LAMA2: variants seen among roughly 807,000 people sequenced by gnomAD.
LAMA2 encodes the protein laminin subunit alpha-2.
Under a neutral mutation model 364.8 loss-of-function variants are expected in LAMA2, and 269 were observed. That is an observed-to-expected ratio of 0.74 (90% confidence interval 0.67 to 0.82). The LOEUF is 0.82. Ranked by LOEUF, LAMA2 falls within the 40% of genes least tolerant of loss-of-function variation. LAMA2 has a pLI of 0.00. For synonymous variants in LAMA2, 1,379 were observed against 1,370.6 expected (o/e 1.01, Z -0.14); for missense variants, 3,807 against 3,873.2 (o/e 0.98, Z 0.45).
chr6:129,282,921 T>C (rs534183139), intron 18 of LAMA2, among the ~76,000 whole-genome samples: 13 of 152,124 alleles, frequency 8.5e-5, no homozygotes, highest in Admixed American at 4.6e-4. Flanking sequence ...ATCCCTTCAT[T>C]CAAACATGTA....
intron 52 of LAMA2, among the ~76,000 whole-genome samples, chr6:129,474,728 G>A (rs1395804810): frequency 6.6e-6 from 1 of 151,980 alleles, no homozygotes; most frequent in Non-Finnish European, 1.5e-5. Context: ...TAATTTTTAG[G>A]AATTATCTAT....
At chr6:129,028,445 A>ATT (rs1415140939) in intron 1 of LAMA2, among the ~76,000 whole-genome samples, 1 of 151,846 alleles carries the variant, frequency 6.6e-6, no homozygotes, top group Non-Finnish European at 1.5e-5. Context: ...GTTTAGAAAT[A>ATT]TTAAGAACCC....
rs190646127 is a variant in LAMA2 at position 128,983,143 on chromosome 6, G to C, written c.113-66775G>C. 8.5e-5 allele frequency among the ~76,000 whole-genome samples: 13 copies of C among 152,054 alleles called. 1 individual carries two copies. ...GTACATACCCAGTAATGGGATGGCT[G>C]GGTCAAAGGGTATTTCTAGTTCTAG... On this transcript the variant is annotated intron_variant, in intron 1 of 64. Transcript: ENST00000421865.
intron 4 of LAMA2, among the ~76,000 whole-genome samples, chr6:129,099,526 C>G (rs899124830): frequency 6.6e-6 from 1 of 152,066 alleles, no homozygotes; most frequent in Non-Finnish European, 1.5e-5. Context: ...TTATGTATAT[C>G]TCCATTGATA....
chr6:128,966,857 T>C (rs1453399819), intron 1 of LAMA2, among the ~76,000 whole-genome samples: 4 of 152,238 alleles, frequency 2.6e-5, no homozygotes, highest in Non-Finnish European at 1.5e-5. Context: ...GAAAGTACTA[T>C]ATGCAGGAAT....
At chr6:129,390,592 C>A (rs1302745696) in intron 35 of LAMA2, among the ~76,000 whole-genome samples, 1 of 151,660 alleles carries the variant, frequency 6.6e-6, no homozygotes, top group Admixed American at 6.6e-5. Flanking sequence ...ATTCAGCTGA[C>A]AAAAGAGTTT....
intron 9 of LAMA2, among the ~76,000 whole-genome samples, chr6:129,169,222 G>A (rs1779971410): frequency 6.7e-6 from 1 of 148,876 alleles, no homozygotes. Context: ...GTGAGAGAGG[G>A]CATCCCTGTC....
chr6:129,160,563 T>C (rs1467943831), intron 8 of LAMA2, among the ~76,000 whole-genome samples: 1 of 152,002 alleles, frequency 6.6e-6, no homozygotes, highest in Non-Finnish European at 1.5e-5. Flanking sequence ...TTTGTGTTTT[T>C]ATTGATTCTG....
chr6:129,375,050 T>G (rs546224061), intron 34 of LAMA2, among the ~76,000 whole-genome samples: 1 of 152,224 alleles, frequency 6.6e-6, no homozygotes, highest in Non-Finnish European at 1.5e-5. Flanking sequence ...CTCATTGTTT[T>G]TAAATGGAGA....
chr6:129,292,182 T>TA (rs896848034), intron 20 of LAMA2, among the ~76,000 whole-genome samples: 15 of 152,200 alleles, frequency 9.9e-5, no homozygotes, highest in African/African-American at 3.6e-4. Context: ...CCATCTCTGC[T>TA]AAAAACTACA....
intron 4 of LAMA2, among the ~76,000 whole-genome samples, chr6:129,130,633 T>C (rs531694985): frequency 1.8e-4 from 27 of 152,256 alleles, no homozygotes; most frequent in Admixed American, 1.8e-3. Context: ...TAGAAGTAGA[T>C]TGGGAGAACT....
intron 1 of LAMA2, among the ~76,000 whole-genome samples, chr6:128,965,420 G>C (rs1441448681): frequency 1.3e-5 from 2 of 152,010 alleles, no homozygotes; most frequent in African/African-American, 4.8e-5. Flanking sequence ...TATATTCCAG[G>C]AGGAAGGAAA....
chr6:129,061,207 T>C (rs1382291833), intron 3 of LAMA2, among the ~76,000 whole-genome samples: 1 of 152,158 alleles, frequency 6.6e-6, no homozygotes, highest in Middle Eastern at 3.2e-3. Context: ...TTCTCCCCCT[T>C]CATGTGATCA....
At chr6:129,233,595 T>C (rs1340626719) in intron 12 of LAMA2, among the ~76,000 whole-genome samples, 2 of 152,128 alleles carry the variant, frequency 1.3e-5, no homozygotes, top group African/African-American at 4.8e-5. Flanking sequence ...ATCATCTTCA[T>C]GTTGAAAAGG....
chr6:128,973,433 A>G (rs1454992503), intron 1 of LAMA2, among the ~76,000 whole-genome samples: 1 of 152,246 alleles, frequency 6.6e-6, no homozygotes, highest in Non-Finnish European at 1.5e-5. Flanking sequence ...ATTTTTAAAA[A>G]TAGAAGCTAG....
At chr6:129,426,426 GTTAAA>G (rs1487836412) in intron 40 of LAMA2, among the ~76,000 whole-genome samples, 1 of 151,846 alleles carries the variant, frequency 6.6e-6, no homozygotes, top group East Asian at 1.9e-4. Flanking sequence ...TACTTCGTGA[GTTAAA>G]GTACATTGCA....
intron 12 of LAMA2, among the ~76,000 whole-genome samples, chr6:129,226,738 G>A (rs1389953796): frequency 2.0e-5 from 3 of 152,052 alleles, no homozygotes; most frequent in East Asian, 1.9e-4. Flanking sequence ...AGGGTAACCC[G>A]ACCTTTCTCT....
chr6:128,941,736 C>T (rs1780173787), intron 1 of LAMA2, among the ~76,000 whole-genome samples: 1 of 152,082 alleles, frequency 6.6e-6, no homozygotes, highest in Non-Finnish European at 1.5e-5. Context: ...TTTTCATTAA[C>T]AAGATACACC....
Position 129,225,465 on chromosome 6 carries a change from G to T in LAMA2, c.1783-24647G>T, listed in dbSNP as rs539396086. 2.0e-5 allele frequency among the ~76,000 whole-genome samples: 3 copies of T among 152,176 alleles called. No individual in the cohort carries two copies. In the East Asian group the frequency reaches 5.8e-4, roughly 29 times the overall value. On this transcript the variant is annotated intron_variant, in intron 12 of 64. Coordinates refer to ENST00000421865, the MANE Select transcript of LAMA2 (RefSeq NM_000426.4). ...GGATCTTTCCTGCTTTCTCTTGTGG[G>T]CATTTAGTGCTATAAATTTCCCTCT...
Sources: gnomAD v4.1 joint callset for allele counts (sites outside exome capture counted in the v4.1 genomes callset) on GRCh38, gnomAD v4.1.1 for gene constraint, MANE v1.5 for transcripts, NCBI Gene and HGNC (gene_info 2026-07-23, HGNC 2026-07-21) for gene names.